Variants in ARGFX observed in about 807,000 individuals in gnomAD.
ARGFX encodes arginine-fifty homeobox.
In ARGFX, 10 loss-of-function variants were observed where a neutral mutation model predicts 8.0. The ratio of observed to expected loss-of-function variants is 1.25; its 90% CI spans 0.77 to 2.12. The LOEUF is 2.12. ARGFX is among the 30% of genes most tolerant of loss of function. The pLI, the probability that ARGFX is intolerant of heterozygous loss-of-function variation, is 0.00. For missense variants in ARGFX, 282 were observed against 324.3 expected (o/e 0.87, Z 1.00); for synonymous variants, 116 against 117.8 (o/e 0.98, Z 0.10).
At position 121,587,821 on chromosome 3, in the gene ARGFX, G is replaced by A. The variant is rs2048820991; in HGVS notation, c.*1221G>A. On this transcript the variant is annotated 3_prime_UTR_variant, in exon 5 of 5. Transcript: ENST00000334384. ...CTACAGACATGCGCCACCATGTCTG[G>A]CTAATTTTTGTATTTTTAGTGGAGA... Among the ~76,000 whole-genome samples the A allele has an allele frequency of 1.3e-5, 2 of 151,916 alleles. No homozygotes were observed. The highest frequency in any genetic ancestry group is 2.9e-5 in the Non-Finnish European group (2 of 67,974).
At position 121,586,160 on chromosome 3, in the gene ARGFX, C is replaced by T. The variant is rs2048811617; in HGVS notation, c.508C>T (p.Pro170Ser). Reference protein sequence around the residue: ...RTSPSPYAFSPVISDFYSSLP... With the variant: ...RTSPSPYAFSSVISDFYSSLP... ...ATCCCCCAGTCCTTATGCTTTTTCT[C>T]CTGTGATTTCAGATTTCTACAGCTC... The change falls in exon 5 of 5, where the codon CCT becomes TCT. Residue 170 changes from proline to serine, a missense_variant. By Grantham distance (74) the Pro-to-Ser change is moderately conservative (BLOSUM62 -1). Coordinates refer to ENST00000334384, the MANE Select transcript of ARGFX (RefSeq NM_001012659.2). 1.2e-5 allele frequency: 19 copies of T among 1,613,998 alleles called. No individual in the cohort carries two copies. The highest frequency in any genetic ancestry group is 1.4e-5 in the Non-Finnish European group (16 of 1,179,976).
At position 121,589,691 on chromosome 3, in the gene ARGFX, G is replaced by A. The variant is rs2048834423; in HGVS notation, c.*3091G>A. Among the ~76,000 whole-genome samples the A allele has an allele frequency of 6.6e-6, 1 of 151,994 alleles. No homozygotes were observed. Among genetic ancestry groups the A allele is most frequent in the Non-Finnish European group, 1.5e-5 (1 of 67,998 alleles). On this transcript the variant is annotated 3_prime_UTR_variant, in exon 5 of 5. Coordinates refer to ENST00000334384, the MANE Select transcript of ARGFX (RefSeq NM_001012659.2). ...TCACCTGGCCAAAACAGTTTTTTTA[G>A]AAATGAAGTATATTAGACAACAACA...
chr3:121,580,180 G>A (rs112606350), intron 3 of ARGFX, among the ~76,000 whole-genome samples: 4,042 of 150,982 alleles, frequency 0.027, 177 homozygotes, highest in African/African-American at 0.093. Flanking sequence ...GGTCCAGACT[G>A]GTCTCGAACT....
At chr3:121,580,606 A>ATATATTTTT (rs1227697987) in intron 3 of ARGFX, among the ~76,000 whole-genome samples, 1 of 115,216 alleles carries the variant, frequency 8.7e-6, no homozygotes, top group African/African-American at 3.2e-5. Flanking sequence ...ATATATATAT[A>ATATATTTTT]TTTTTTTTTT....
chr3:121,584,265 A>C (rs146036627), intron 3 of ARGFX, among the ~76,000 whole-genome samples: 20 of 150,884 alleles, frequency 1.3e-4, no homozygotes, highest in African/African-American at 4.9e-4. Flanking sequence ...GAAGGAAGGA[A>C]GGAAAGAAAA....
rs572044977 is a variant in ARGFX, at chr3:121,581,309, T to G, written c.221-3608T>G. Reference sequence around the variant, plus strand: ...ACTTTTAATAGGTAATTAAACAATGTATATATGACATTGAATGCAACACAT... The same window carrying G: ...ACTTTTAATAGGTAATTAAACAATGGATATATGACATTGAATGCAACACAT... On this transcript the variant is annotated intron_variant, in intron 3 of 4. Coordinates refer to ENST00000334384, the MANE Select transcript of ARGFX (RefSeq NM_001012659.2). Among the ~76,000 whole-genome samples, 6 of 152,324 alleles carry G rather than the reference T, an allele frequency of 3.9e-5. No individual in the cohort carries two copies. In the South Asian group the frequency reaches 1.2e-3, roughly 32 times the overall value.
rs772926905 is a variant in ARGFX, at chr3:121,576,820, C to T, written c.140C>T (p.Thr47Met). The T allele has an allele frequency of 4.6e-5, 19 of 412,696 alleles. No homozygotes were observed. The highest frequency in any genetic ancestry group is 5.2e-4 in the Middle Eastern group (1 of 1,922). The allele number at this position is 412,696 out of a possible 1,614,324, so 25.6% of individuals were successfully genotyped here. Reference sequence around the variant, plus strand: ...TTATCCAAGCTGGAGTGCAGTGGCACGGTCTCGGCTTACTGCAGCCTCAAC... The same window carrying T: ...TTATCCAAGCTGGAGTGCAGTGGCATGGTCTCGGCTTACTGCAGCCTCAAC... ...TLLSKLECSGTVSAYCSLNLP... is the reference protein window; with the variant it reads ...TLLSKLECSGMVSAYCSLNLP... Residue 47 changes from threonine (T) to methionine (M), a missense_variant, in exon 3 of 5, where the codon ACG becomes ATG. Coordinates refer to ENST00000334384, the MANE Select transcript of ARGFX (RefSeq NM_001012659.2).
chr3:121,586,208 C>T lies in ARGFX; in HGVS notation c.556C>T (p.Pro186Ser), dbSNP rs144775023. The T allele has an allele frequency of 2.4e-5, 39 of 1,613,980 alleles. No homozygotes were observed. The highest frequency in any genetic ancestry group is 3.1e-5 in the Non-Finnish European group (36 of 1,179,944). ...CTCCCTTCCATCTCAGCCCTTAGACCCTTCCAATTGGGCATGGAACTCTAC... is the reference window on the plus strand; with the variant it reads ...CTCCCTTCCATCTCAGCCCTTAGACTCTTCCAATTGGGCATGGAACTCTAC... Reference protein sequence around the residue: ...YSSLPSQPLDPSNWAWNSTFT... With the variant: ...YSSLPSQPLDSSNWAWNSTFT... The change falls in exon 5 of 5, where the codon CCT (proline) becomes TCT (serine). Residue 186 changes from proline to serine, a missense_variant. Physicochemically the swap from Pro to Ser is moderately conservative, Grantham distance 74 (BLOSUM62 -1). Coordinates refer to ENST00000334384, the MANE Select transcript of ARGFX (RefSeq NM_001012659.2).
rs1042395427 is a variant in ARGFX at position 121,579,120 on chromosome 3, A to C, written c.220+2220A>C. The stretch of plus-strand genomic sequence containing the variant: ...AAATAGATCAAAGTTTTCAGAAGAC[A>C]GCATGTATACATTTAAATTTCTGGA... On this transcript the variant is annotated intron_variant, in intron 3 of 4. Coordinates refer to ENST00000334384, the MANE Select transcript of ARGFX (RefSeq NM_001012659.2). 3.9e-5 allele frequency among the ~76,000 whole-genome samples: 6 copies of C among 152,238 alleles called. No homozygotes were observed. The East Asian group carries it at 1.2e-3, about 29-fold the overall frequency.
In ARGFX at chr3:121,589,459, C is replaced by A. The variant is rs2048833133; in HGVS notation, c.*2859C>A. On this transcript the variant is annotated 3_prime_UTR_variant, in exon 5 of 5. Transcript: ENST00000334384. ...GCCGTGCAATCTCGGCTCACTGCAA[C>A]CTCCGCCTCCTGGGTCAAATGATTC... Among the ~76,000 whole-genome samples the A allele has an allele frequency of 8.4e-6, 1 of 119,320 alleles. No homozygotes were observed. The highest frequency in any genetic ancestry group is 7.7e-5 in the Admixed American group (1 of 12,958). 78.3% of individuals were successfully genotyped at this position (119,320 alleles called of 152,430 possible). A position where few individuals can be genotyped will look rare whatever the true frequency, so the allele number is the denominator to read the frequency against.
At chr3:121,573,458 C>G (rs1029932965) in intron 2 of ARGFX, among the ~76,000 whole-genome samples, 1 of 149,588 alleles carries the variant, frequency 6.7e-6, no homozygotes, top group Non-Finnish European at 1.5e-5. Context: ...GCTTGGATGA[C>G]AGAGAGAGAG....
At chr3:121,576,316 G>A (rs1380543131) in intron 2 of ARGFX, among the ~76,000 whole-genome samples, 2 of 152,062 alleles carry the variant, frequency 1.3e-5, no homozygotes, top group Non-Finnish European at 1.5e-5. Context: ...TGGCTAAAGT[G>A]TGTCTATTTC....
rs1481207747 is a variant in ARGFX, at chr3:121,589,311, T to C, written c.*2711T>C. Among the ~76,000 whole-genome samples the C allele has an allele frequency of 6.6e-6, 1 of 152,248 alleles. No homozygotes were observed. The highest frequency in any genetic ancestry group is 1.5e-5 in the Non-Finnish European group (1 of 68,048). On this transcript the variant is annotated 3_prime_UTR_variant, in exon 5 of 5. Coordinates refer to ENST00000334384, the MANE Select transcript of ARGFX (RefSeq NM_001012659.2). ...GGAAATTTATAGCTTCAAATACTTA[T>C]ATACATATTTTTTAAAAGTAGCTTT... is the stretch of plus-strand genomic sequence containing the variant.
intron 3 of ARGFX, among the ~76,000 whole-genome samples, chr3:121,577,259 A>ATATATATATATATATTTT (rs1403064031): frequency 3.4e-5 from 2 of 59,624 alleles, no homozygotes; most frequent in Admixed American, 2.4e-4. Flanking sequence ...ATATATATAT[A>ATATATATATATATATTTT]TTTTTTTTTT....
At chr3:121,570,611 C>A in intron 1 of ARGFX, 91 bp from the exon 2 acceptor site, 1 of 730,938 alleles carries the variant, frequency 1.4e-6, no homozygotes, top group Non-Finnish European at 2.2e-6. Context: ...TGCCAGAGGT[C>A]ATACATCAAG....
intron 2 of ARGFX, among the ~76,000 whole-genome samples, chr3:121,575,115 C>T (rs2048728660): frequency 6.6e-6 from 1 of 151,986 alleles, no homozygotes; most frequent in Non-Finnish European, 1.5e-5. Flanking sequence ...GTCAAGAGAT[C>T]GAGATCATCC....
intron 4 of ARGFX, 127 bp from the exon 5 acceptor site, chr3:121,585,895 A>G: frequency 1.1e-6 from 1 of 883,986 alleles, no homozygotes; most frequent in South Asian, 1.9e-5. Context: ...CTGCTTTTGC[A>G]GAGCCCAGTG....
At position 121,579,945 on chromosome 3, in the gene ARGFX, C is replaced by CTTTTTTTTTTTTTTTTT. The variant is rs1174620508; in HGVS notation, c.220+3055_220+3071dup. ...CTTTCTTTTTCTTTTCTTTTCTTTT[C>CTTTTTTTTTTTTTTTTT]TTTTTTTTTTTTTTTTTTTTTTTTT... On this transcript the variant is annotated intron_variant, in intron 3 of 4. Coordinates refer to ENST00000334384, the MANE Select transcript of ARGFX (RefSeq NM_001012659.2). Among the ~76,000 whole-genome samples, 79 of 91,586 alleles carry CTTTTTTTTTTTTTTTTT rather than the reference C, an allele frequency of 8.6e-4. 4 individuals are homozygous for CTTTTTTTTTTTTTTTTT. The highest frequency in any genetic ancestry group is 1.2e-3 in the Non-Finnish European group (56 of 47,910). 60.1% of individuals were successfully genotyped at this position (91,586 alleles called of 152,430 possible).
Position 121,570,807 on chromosome 3 carries a change from G to C in ARGFX, c.94G>C (p.Ala32Pro), listed in dbSNP as rs561329789. 5.3e-5 allele frequency: 85 copies of C among 1,599,916 alleles called. 3 individuals carry two copies. The South Asian group carries it at 8.6e-4, about 16-fold the overall frequency. The change falls in exon 2 of 5, where the codon GCT (alanine) becomes CCT (proline). Residue 32 changes from alanine to proline, a missense_variant. Transcript: ENST00000334384. The part of the protein sequence containing the change: ...NMKVIPPQDP[A>P]SPSFTLLSKL... ...GAAGGTGATACCACCACAGGATCCA[G>C]CTAGTCCCAGTGAGTATCATCCTTC...
Sources: gnomAD v4.1 joint callset for allele counts (sites outside exome capture counted in the v4.1 genomes callset) on GRCh38, gnomAD v4.1.1 for gene constraint, MANE v1.5 for transcripts, NCBI Gene and HGNC (gene_info 2026-07-23, HGNC 2026-07-21) for gene names.